The following A2ML1 variants were observed in gnomAD, a reference collection of about 807,000 sequenced individuals.
The protein encoded by A2ML1 is alpha-2-macroglobulin like 1.
In A2ML1, 161 loss-of-function variants were observed where a neutral mutation model predicts 181.9. The ratio of observed to expected loss-of-function variants is 0.89; its 90% CI spans 0.78 to 1.01. The LOEUF is 1.01. Among genes scored for constraint, A2ML1 ranks in the 50% least tolerant of loss-of-function variants. A2ML1 has a pLI of 0.00. For synonymous variants in A2ML1, 663 were observed against 666.8 expected (o/e 0.99, Z 0.09); for missense variants, 1,670 against 1,768.1 (o/e 0.94, Z 1.00).
chr12:8,840,382 C>T (rs1424115151), intron 10 of A2ML1, among the ~76,000 whole-genome samples: 1 of 150,260 alleles, frequency 6.7e-6, no homozygotes, highest in Admixed American at 6.6e-5. Flanking sequence ...AAGATAAATA[C>T]ATAATTAAAT....
Position 8,836,431 on chromosome 12 carries a change from C to T in A2ML1, c.728+92C>T, listed in dbSNP as rs1473942299. On this transcript the variant is annotated intron_variant, in intron 7 of 35. Transcript: ENST00000299698. ...CATGGGATGTGGGATTATGGGTGGG[C>T]CAAAACTTGGGGCATTTTATGTAAT... The T allele has an allele frequency of 2.8e-6, 3 of 1,067,924 alleles. No individual in the cohort carries two copies. The Admixed American group carries it at 6.5e-5, about 23-fold the overall frequency. The allele number at this position is 1,067,924 out of a possible 1,614,324, so 66.2% of individuals were successfully genotyped here. A position where few individuals can be genotyped will look rare whatever the true frequency, so the allele number is the denominator to read the frequency against.
chr12:8,851,805 C>G lies in A2ML1; in HGVS notation c.2256C>G (p.Val752=), dbSNP rs1943898209. The change falls in exon 19 of 36, where the codon GTC becomes GTG. Residue 752 remains valine, a synonymous_variant. Coordinates refer to ENST00000299698, the MANE Select transcript of A2ML1 (RefSeq NM_144670.6). ...ACAGTAACTCGGGGAAGGAGGCGGT[C>G]CACGTCACAGTTCCTGACGCCATCA... is the stretch of plus-strand genomic sequence containing the variant. ...FPIGNSGKEA[V]HVTVPDAITE... 6.2e-7 allele frequency: 1 copy of G among 1,614,046 alleles called. No homozygotes were observed. Among genetic ancestry groups the G allele is most frequent in the African/African-American group, 1.3e-5 (1 of 74,942 alleles).
Position 8,823,689 on chromosome 12 carries a change from C to G in A2ML1, c.247-31C>G, listed in dbSNP as rs1245444180. On this transcript the variant is annotated intron_variant, in intron 2 of 35. Coordinates refer to ENST00000299698, the MANE Select transcript of A2ML1 (RefSeq NM_144670.6). Reference sequence around the variant, plus strand: ...TTGATTCTGTTCCCCCAATCCCTTACCCCTCCCCAGAAGTCCCCTTTCTTG... The same window carrying G: ...TTGATTCTGTTCCCCCAATCCCTTAGCCCTCCCCAGAAGTCCCCTTTCTTG... 3 of 1,603,914 alleles carry G rather than the reference C, an allele frequency of 1.9e-6. No individual in the cohort carries two copies. The South Asian group carries it at 3.4e-5, about 18-fold the overall frequency.
At chr12:8,851,240 G>A (rs1943877399) in intron 18 of A2ML1, among the ~76,000 whole-genome samples, 1 of 152,090 alleles carries the variant, frequency 6.6e-6, no homozygotes, top group Admixed American at 6.5e-5. Context: ...GAGGGCACCA[G>A]CCTCTCTGTC....
At chr12:8,844,885 G>T in intron 12 of A2ML1, 1 of 793,372 alleles carries the variant, frequency 1.3e-6, no homozygotes, top group Non-Finnish European at 1.7e-6. Context: ...ACCGACCTTG[G>T]AGCCCTGCAG....
At chr12:8,829,887 C>G (rs1244584552) in intron 4 of A2ML1, 108 bp downstream of exon 4, 2 of 1,397,282 alleles carry the variant, frequency 1.4e-6, no homozygotes, top group Non-Finnish European at 2.0e-6. Flanking sequence ...GCGAGGCCCT[C>G]TGGGTTGGAG....
chr12:8,842,706 G>A (rs1181746325), intron 11 of A2ML1, among the ~76,000 whole-genome samples: 2 of 152,076 alleles, frequency 1.3e-5, no homozygotes, highest in Non-Finnish European at 2.9e-5. Context: ...TTGCCTTGTG[G>A]CTAATTTGAC....
In A2ML1 at chr12:8,854,148, A is replaced by G; in HGVS notation, c.2611A>G (p.Ser871Gly). ...CTCAGGTCACATTAACTTTACTATTAGTACAAAGATTCTGGACAGCAATGA... is the reference window on the plus strand; with the variant it reads ...CTCAGGTCACATTAACTTTACTATTGGTACAAAGATTCTGGACAGCAATGA... ...VKLGHINFTISTKILDSNEPC... is the reference protein window; with the variant it reads ...VKLGHINFTIGTKILDSNEPC... The change falls in exon 21 of 36, where the codon AGT (serine) becomes GGT (glycine). Residue 871 changes from serine to glycine, a missense_variant. Transcript: ENST00000299698. 1.3e-6 allele frequency: 2 copies of G among 1,600,002 alleles called. No homozygotes were observed. Among genetic ancestry groups the G allele is most frequent in the Non-Finnish European group, 1.7e-6 (2 of 1,172,856 alleles).
chr12:8,853,915 G>A (rs758843589), intron 20 of A2ML1, among the ~76,000 whole-genome samples: 81 of 152,318 alleles, frequency 5.3e-4, no homozygotes, highest in Non-Finnish European at 1.1e-3. Flanking sequence ...AGGGCCCTTA[G>A]AGGTTACCTA....
At chr12:8,837,059 C>T (rs916998389) in intron 7 of A2ML1, among the ~76,000 whole-genome samples, 1 of 152,030 alleles carries the variant, frequency 6.6e-6, no homozygotes, top group African/African-American at 2.4e-5. Flanking sequence ...GTCTCTGTCA[C>T]GCAGGCTGGG....
chr12:8,841,440 T>C lies in A2ML1; in HGVS notation c.1152T>C (p.Asn384=), dbSNP rs773314979. The C allele has an allele frequency of 3.1e-6, 5 of 1,614,008 alleles. No individual in the cohort carries two copies. Among genetic ancestry groups the C allele is most frequent in the African/African-American group, 1.3e-5 (1 of 74,904 alleles). The part of the protein sequence containing the change: ...HLVFLVIYGT[N]GTFNQTLVTD... ...TGTTTCTGGTGATTTATGGCACAAATGGAACCTTCAACCAGACCCTGGTTA... is the reference window on the plus strand; with the variant it reads ...TGTTTCTGGTGATTTATGGCACAAACGGAACCTTCAACCAGACCCTGGTTA... Residue 384 remains asparagine, a synonymous_variant, in exon 11 of 36, where the codon AAT becomes AAC. Coordinates refer to ENST00000299698, the MANE Select transcript of A2ML1 (RefSeq NM_144670.6).
intron 8 of A2ML1, 81 bp from the exon 9 acceptor site, chr12:8,838,255 C>A: frequency 1.0e-6 from 1 of 958,998 alleles, no homozygotes; most frequent in South Asian, 1.9e-5. Context: ...AAATTATTTC[C>A]TTCTACAGAA....
intron 3 of A2ML1, among the ~76,000 whole-genome samples, chr12:8,829,245 T>C (rs1943031702): frequency 6.6e-6 from 1 of 152,228 alleles, no homozygotes; most frequent in East Asian, 1.9e-4. Flanking sequence ...CTCTGCCTCC[T>C]GAGCTCCAGG....
chr12:8,872,255 A>T (rs1944651251), intron 33 of A2ML1, among the ~76,000 whole-genome samples: 1 of 151,544 alleles, frequency 6.6e-6, no homozygotes, highest in Non-Finnish European at 1.5e-5. Flanking sequence ...TTAATTCATT[A>T]TGGTGACCAA....
In A2ML1 at chr12:8,874,028, T is replaced by TAA. The variant is rs1196501403; in HGVS notation, c.4222-396_4222-395dup. Among the ~76,000 whole-genome samples the TAA allele has an allele frequency of 6.6e-4, 101 of 151,970 alleles. 1 individual carries two copies. Among genetic ancestry groups the TAA allele is most frequent in the African/African-American group, 2.4e-3 (100 of 41,380 alleles). The stretch of plus-strand genomic sequence containing the variant: ...TTTAATTAAAAAAAAAATTTTTTTT[T>TAA]AATTTGAGATGGAGTCTCGCTCTGT... On this transcript the variant is annotated intron_variant, in intron 33 of 35. Transcript: ENST00000299698.
intron 15 of A2ML1, among the ~76,000 whole-genome samples, chr12:8,847,911 T>G (rs7301996): frequency 1.7e-4 from 26 of 150,704 alleles, no homozygotes; most frequent in African/African-American, 6.1e-4. Context: ...AGGCCGAGGC[T>G]GGCAGATCAC....
rs1001670164 is a variant in A2ML1 at position 8,835,740 on chromosome 12, G to A, written c.643+74G>A. 3.4e-5 allele frequency: 54 copies of A among 1,578,182 alleles called. No homozygotes were observed. In the Middle Eastern group the frequency reaches 9.5e-4, roughly 28 times the overall value. ...AAAATCAGCAAAGGTGGAGCCGGGC[G>A]CAGTGGCTCACGCCTGTAATCCCAG... On this transcript the variant is annotated intron_variant, in intron 6 of 35. Transcript: ENST00000299698.
At chr12:8,863,557 T>C (rs942607016) in intron 28 of A2ML1, among the ~76,000 whole-genome samples, 3 of 152,242 alleles carry the variant, frequency 2.0e-5, no homozygotes, top group African/African-American at 7.2e-5. Flanking sequence ...GTGGTTTTCA[T>C]GTAATTGCTG....
In A2ML1 at chr12:8,857,559, T is replaced by C. The variant is rs1944112811; in HGVS notation, c.3078T>C (p.Phe1026=). The change falls in exon 25 of 36, where the codon TTT becomes TTC. Residue 1026 remains phenylalanine, a synonymous_variant. Coordinates refer to ENST00000299698, the MANE Select transcript of A2ML1 (RefSeq NM_144670.6). ...ACAGCAATGGCTCATACAGTGCCTT[T>C]GGGGAGCGAGATGGAAATGGAAACA... ...YKHSNGSYSA[F]GERDGNGNTW... The C allele has an allele frequency of 6.2e-7, 1 of 1,612,008 alleles. No homozygotes were observed. The highest frequency in any genetic ancestry group is 1.3e-5 in the African/African-American group (1 of 74,868).
Sources: gnomAD v4.1 joint callset for allele counts (sites outside exome capture counted in the v4.1 genomes callset) on GRCh38, gnomAD v4.1.1 for gene constraint, MANE v1.5 for transcripts, NCBI Gene and HGNC (gene_info 2026-07-23, HGNC 2026-07-21) for gene names.